GSTA2: variants seen among roughly 807,000 people sequenced by gnomAD.
GSTA2 encodes glutathione S-transferase alpha 2.
Under a neutral mutation model 22.4 loss-of-function variants are expected in GSTA2, and 27 were observed. The observed-to-expected ratio is 1.21, with a 90% CI of 0.89 to 1.67. The LOEUF is 1.67. GSTA2 is among the 40% of genes most tolerant of loss of function. The pLI is 0.00. For synonymous variants in GSTA2, 121 were observed against 86.8 expected (o/e 1.39, Z -2.19); for missense variants, 302 against 260.2 (o/e 1.16, Z -1.11).
chr6:52,762,647 CG>C (rs1476917813), intron 1 of GSTA2, among the ~76,000 whole-genome samples: 2 of 152,290 alleles, frequency 1.3e-5, no homozygotes, highest in African/African-American at 2.4e-5. Flanking sequence ...CAGAGACTGG[CG>C]CCAGCGCAGG....
rs773702055 is a variant in GSTA2, at chr6:52,757,857, C to T, written c.87+4G>A. On this transcript the variant is annotated splice_donor_region_variant and intron_variant, in intron 2 of 6. Transcript: ENST00000493422. Reference sequence around the variant, plus strand: ...GACTTAAGATGACCTAACTCAGAACCTACCTCTACTCCAGCTGCAGCCAGG... The same window carrying T: ...GACTTAAGATGACCTAACTCAGAACTTACCTCTACTCCAGCTGCAGCCAGG... 2 of 1,611,646 alleles carry T rather than the reference C, an allele frequency of 1.2e-6. No individual in the cohort carries two copies. The highest frequency in any genetic ancestry group is 2.7e-5 in the African/African-American group (2 of 74,848).
intron 5 of GSTA2, among the ~76,000 whole-genome samples, 171 bp downstream of exon 5, chr6:52,752,683 C>A (rs1762765020): frequency 6.6e-6 from 1 of 152,130 alleles, no homozygotes; most frequent in African/African-American, 2.4e-5. Context: ...ATAAGTGATA[C>A]AATTGTTTCT....
chr6:52,759,559 A>ATTTTTTTTTT (rs1561897333), intron 1 of GSTA2, among the ~76,000 whole-genome samples: 3 of 30,888 alleles, frequency 9.7e-5, no homozygotes, highest in African/African-American at 1.6e-4. Context: ...TAATGTATTT[A>ATTTTTTTTTT]TTTGTTTTTT....
At chr6:52,755,179 A>C in intron 3 of GSTA2, 104 bp from the exon 4 acceptor site, 1 of 1,481,836 alleles carries the variant, frequency 6.7e-7, no homozygotes, top group Non-Finnish European at 9.2e-7. Context: ...AAAACGAAAA[A>C]GAAATTACTG....
chr6:52,755,162 A>T, intron 3 of GSTA2, 87 bp from the exon 4 acceptor site: 1 of 1,552,718 alleles, frequency 6.4e-7, no homozygotes, highest in Non-Finnish European at 8.7e-7. Flanking sequence ...GAAATGACTA[A>T]ATTTGTAAAA....
At position 52,750,342 on chromosome 6, in the gene GSTA2, A is replaced by G. The variant is rs1762712875; in HGVS notation, c.*235T>C. 3.0e-6 allele frequency: 1 copy of G among 336,014 alleles called. No homozygotes were observed. The highest frequency in any genetic ancestry group is 2.1e-5 in the African/African-American group (1 of 46,612). The allele number at this position is 336,014 out of a possible 1,614,324, so 20.8% of individuals were successfully genotyped here. ...CCATTTTTACTGAATTTGTAATTCCAAGAAAATTGTTGGCTAGGAGGAGAT... is the reference window on the plus strand; with the variant it reads ...CCATTTTTACTGAATTTGTAATTCCGAGAAAATTGTTGGCTAGGAGGAGAT... On this transcript the variant is annotated 3_prime_UTR_variant, in exon 7 of 7. Coordinates refer to ENST00000493422, the MANE Select transcript of GSTA2 (RefSeq NM_000846.5).
At chr6:52,754,216 T>C (rs957603181) in intron 4 of GSTA2, among the ~76,000 whole-genome samples, 1 of 152,222 alleles carries the variant, frequency 6.6e-6, no homozygotes, top group African/African-American at 2.4e-5. Flanking sequence ...TGTGGATGTA[T>C]TTTCGATTGT....
chr6:52,751,509 G>C lies in GSTA2; in HGVS notation c.546+68C>G, dbSNP rs946699003. 3.1e-6 allele frequency: 5 copies of C among 1,609,172 alleles called. No individual in the cohort carries two copies. The African/African-American group carries it at 6.7e-5, about 22-fold the overall frequency. Reference sequence around the variant, plus strand: ...GGGGTCAAAACATGCTCAGTCCCAGGGCCCAGATACAAGATCCCAAGATGG... The same window carrying C: ...GGGGTCAAAACATGCTCAGTCCCAGCGCCCAGATACAAGATCCCAAGATGG... On this transcript the variant is annotated intron_variant, in intron 6 of 6. Coordinates refer to ENST00000493422, the MANE Select transcript of GSTA2 (RefSeq NM_000846.5).
rs374749870 is a variant in GSTA2, at chr6:52,751,825, G to A, written c.415-117C>T. 3.9e-4 allele frequency: 565 copies of A among 1,437,956 alleles called. 6 individuals are homozygous for A. The South Asian group carries it at 4.8e-3, about 12-fold the overall frequency. 89.1% of individuals were successfully genotyped at this position (1,437,956 alleles called of 1,614,324 possible). A position where few individuals can be genotyped will look rare whatever the true frequency, so the allele number is the denominator to read the frequency against. On this transcript the variant is annotated intron_variant, in intron 5 of 6. Coordinates refer to ENST00000493422, the MANE Select transcript of GSTA2 (RefSeq NM_000846.5). Reference sequence around the variant, plus strand: ...ACCTCTGTTGCCTTACTGCATGGATGCAGAAATCCCGAGCTTTCTCCACAT... The same window carrying A: ...ACCTCTGTTGCCTTACTGCATGGATACAGAAATCCCGAGCTTTCTCCACAT...
At chr6:52,754,883 A>G (rs1178100356) in intron 4 of GSTA2, 60 bp downstream of exon 4, 1 of 1,607,416 alleles carries the variant, frequency 6.2e-7, no homozygotes, top group East Asian at 2.2e-5. Context: ...CACCCACTCA[A>G]GGAAGGACCT....
At chr6:52,759,459 C>A (rs752778017) in intron 1 of GSTA2, among the ~76,000 whole-genome samples, 11 of 151,594 alleles carry the variant, frequency 7.3e-5, no homozygotes, top group Non-Finnish European at 1.3e-4. Flanking sequence ...TATCACCAAA[C>A]CCCCAGCTCT....
intron 3 of GSTA2, 49 bp from the exon 4 acceptor site, chr6:52,755,124 C>A: frequency 1.9e-6 from 3 of 1,592,834 alleles, no homozygotes; most frequent in Non-Finnish European, 2.6e-6. Flanking sequence ...TGAAACCCAC[C>A]ATTTCAGGAT....
At position 52,750,291 on chromosome 6, in the gene GSTA2, C is replaced by T. The variant is rs181832469; in HGVS notation, c.*286G>A. 240 of 267,958 alleles carry T rather than the reference C, an allele frequency of 9.0e-4. No homozygotes were observed. The highest frequency in any genetic ancestry group is 3.3e-3 in the Admixed American group (67 of 20,318). 16.6% of individuals were successfully genotyped at this position (267,958 alleles called of 1,614,324 possible). A position where few individuals can be genotyped will look rare whatever the true frequency, so the allele number is the denominator to read the frequency against. Reference sequence around the variant, plus strand: ...GTTACAGGGCAATTCTTGGAAAAGTCAAACAAACCACATAATTTATAGTTT... The same window carrying T: ...GTTACAGGGCAATTCTTGGAAAAGTTAAACAAACCACATAATTTATAGTTT... On this transcript the variant is annotated 3_prime_UTR_variant, in exon 7 of 7. Transcript: ENST00000493422.
chr6:52,750,593 T>C lies in GSTA2; in HGVS notation c.653A>G (p.Lys218Arg). ...GCTGGTTTATTAAAACCTGAAAATC[T>C]TCCTTGATTCTTCTAAAGATTTCTC... ...MDEKSLEESR[K>R]IFRF The change falls in exon 7 of 7, where the codon AAG becomes AGG. Residue 218 changes from lysine to arginine, a missense_variant. Lys to Arg is a conservative substitution (Grantham distance 26). Transcript: ENST00000493422. 6.2e-7 allele frequency: 1 copy of C among 1,613,944 alleles called. No homozygotes were observed. Among genetic ancestry groups the C allele is most frequent in the Non-Finnish European group, 8.5e-7 (1 of 1,179,884 alleles).
chr6:52,751,746 C>G (rs753332215), intron 5 of GSTA2, 38 bp from the exon 6 acceptor site: 4 of 1,613,756 alleles, frequency 2.5e-6, no homozygotes, highest in Non-Finnish European at 3.4e-6. Flanking sequence ...AACACATGCC[C>G]ACCCAGGCTG....
At chr6:52,761,623 G>A (rs1185949988) in intron 1 of GSTA2, among the ~76,000 whole-genome samples, 2 of 150,584 alleles carry the variant, frequency 1.3e-5, no homozygotes, top group African/African-American at 2.4e-5. Context: ...TTAACAGGAA[G>A]TTTTCAGTGA....
chr6:52,760,418 G>T (rs1283202605), intron 1 of GSTA2, among the ~76,000 whole-genome samples: 1 of 152,178 alleles, frequency 6.6e-6, no homozygotes, highest in Non-Finnish European at 1.5e-5. Context: ...GAGAACCAGA[G>T]AGCTCAAGGA....
At chr6:52,750,822 GAAGGC>G (rs1489303619) in intron 6 of GSTA2, 123 bp from the exon 7 acceptor site, 7 of 1,214,026 alleles carry the variant, frequency 5.8e-6, no homozygotes, top group African/African-American at 4.6e-5. Flanking sequence ...CCACTTGGGT[GAAGGC>G]AGAAACAGAC....
intron 1 of GSTA2, among the ~76,000 whole-genome samples, chr6:52,758,419 G>A (rs577059349): frequency 2.6e-5 from 4 of 152,206 alleles, no homozygotes; most frequent in African/African-American, 9.6e-5. Flanking sequence ...TGGAACATCA[G>A]AGAAATACAA....
Sources: allele counts gnomAD v4.1 joint callset (sites outside exome capture counted in the v4.1 genomes callset), GRCh38; gene constraint gnomAD v4.1.1; transcripts MANE v1.5; gene names NCBI Gene and HGNC (gene_info 2026-07-23, HGNC 2026-07-21).